The following FLVCR2 variants were observed in gnomAD, a reference collection of about 807,000 sequenced individuals.
The protein encoded by FLVCR2 is choline/ethanolamine transporter FLVCR2.
FLVCR2 carries 38 observed loss-of-function variants against 48.9 expected under a neutral mutation model. The observed-to-expected ratio is 0.78, with a 90% CI of 0.60 to 1.02. FLVCR2 has a LOEUF of 1.02. Among genes scored for constraint, FLVCR2 ranks in the 50% least tolerant of loss-of-function variants. The pLI, the probability that FLVCR2 is intolerant of heterozygous loss-of-function variation, is 0.00. For missense variants in FLVCR2, 664 were observed against 663.3 expected, an observed-to-expected ratio of 1.00 and a Z score of -0.01; for synonymous variants, 255 against 257.0, an observed-to-expected ratio of 0.99 and a Z score of 0.07.
At chr14:75,608,686 G>A (rs1336397375) in intron 1 of FLVCR2, among the ~76,000 whole-genome samples, 1 of 152,220 alleles carries the variant, frequency 6.6e-6, no homozygotes, top group Non-Finnish European at 1.5e-5. Flanking sequence ...CCCTTGTGAA[G>A]ATGTTGGAAC....
intron 3 of FLVCR2, among the ~76,000 whole-genome samples, chr14:75,631,444 G>T (rs538013108): frequency 6.6e-6 from 1 of 152,336 alleles, no homozygotes; most frequent in East Asian, 1.9e-4. Flanking sequence ...AAACCACTCA[G>T]CTTCAGCAGT....
In FLVCR2 at chr14:75,639,471, CA is replaced by C. The variant is rs746704579; in HGVS notation, c.1235+10del. On this transcript the variant is annotated intron_variant, in intron 6 of 9. Coordinates refer to ENST00000238667, the MANE Select transcript of FLVCR2 (RefSeq NM_017791.3). ...ACTGCTGGCACAATGGGGTAAGTTT[CA>C]CCTCTGGCTGATTTATTAGAAAATA... 5.1e-6 allele frequency: 8 copies of C among 1,563,122 alleles called. No individual in the cohort carries two copies. Among genetic ancestry groups the C allele is most frequent in the Non-Finnish European group, 7.1e-6 (8 of 1,133,546 alleles).
Position 75,639,437 on chromosome 14 carries a change from G to A in FLVCR2, c.1210G>A (p.Val404Met). 1.2e-6 allele frequency: 2 copies of A among 1,613,316 alleles called. No homozygotes were observed. The highest frequency in any genetic ancestry group is 1.7e-6 in the Non-Finnish European group (2 of 1,179,228). ...FTLNLGHLWV[V>M]FITAGTMGFF... is the part of the protein sequence containing the mutation. ...CTTGAACCTGGGACACCTGTGGGTA[G>A]TGTTCATCACTGCTGGCACAATGGG... Residue 404 changes from valine (V) to methionine (M), a missense_variant, in exon 6 of 10, where the codon GTG (valine) becomes ATG (methionine). Val to Met is a conservative substitution (Grantham distance 21). Coordinates refer to ENST00000238667, the MANE Select transcript of FLVCR2 (RefSeq NM_017791.3).
intron 5 of FLVCR2, among the ~76,000 whole-genome samples, chr14:75,635,780 G>A (rs551729639): frequency 1.3e-5 from 2 of 152,234 alleles, no homozygotes; most frequent in East Asian, 3.9e-4. Context: ...TAGAAGGATC[G>A]CTTGACCCAG....
rs1381907609 is a variant in FLVCR2 at position 75,620,312 on chromosome 14, G to C, written c.670-1767G>C. Among the ~76,000 whole-genome samples the C allele has an allele frequency of 3.3e-5, 5 of 152,336 alleles. No homozygotes were observed. The East Asian group carries it at 9.7e-4, about 29-fold the overall frequency. On this transcript the variant is annotated intron_variant, in intron 1 of 9. Coordinates refer to ENST00000238667, the MANE Select transcript of FLVCR2 (RefSeq NM_017791.3). Reference sequence around the variant, plus strand: ...GCCTCTGTTCTGCAGAAGCCTGCCTGCCTGGGCCTTTCTCCAGGCTCTTAG... The same window carrying C: ...GCCTCTGTTCTGCAGAAGCCTGCCTCCCTGGGCCTTTCTCCAGGCTCTTAG...
In FLVCR2 at chr14:75,633,708, C is replaced by T. The variant is rs1365612613; in HGVS notation, c.1020+12C>T. On this transcript the variant is annotated intron_variant, in intron 4 of 9. Coordinates refer to ENST00000238667, the MANE Select transcript of FLVCR2 (RefSeq NM_017791.3). Reference sequence around the variant, plus strand: ...TCTGGCACTACCCGGTAAGGGAGTTCCCTAAGCATGTTGGGCCTCAAGATG... The same window carrying T: ...TCTGGCACTACCCGGTAAGGGAGTTTCCTAAGCATGTTGGGCCTCAAGATG... 4.4e-6 allele frequency: 7 copies of T among 1,605,642 alleles called. No homozygotes were observed. In the African/African-American group the frequency reaches 5.4e-5, roughly 12 times the overall value.
chr14:75,584,432 C>A (rs1035359764), intron 1 of FLVCR2, among the ~76,000 whole-genome samples: 12 of 152,152 alleles, frequency 7.9e-5, no homozygotes, highest in African/African-American at 2.9e-4. Flanking sequence ...CGCCTTCCGG[C>A]CCCTCTGGGT....
intron 1 of FLVCR2, among the ~76,000 whole-genome samples, chr14:75,615,467 G>A (rs961163553): frequency 1.3e-5 from 2 of 152,288 alleles, no homozygotes; most frequent in East Asian, 3.9e-4. Flanking sequence ...TGCTGTGTGA[G>A]AGTGTGTGGG....
intron 3 of FLVCR2, among the ~76,000 whole-genome samples, chr14:75,628,967 C>T (rs981889721): frequency 2.6e-5 from 4 of 152,302 alleles, no homozygotes; most frequent in African/African-American, 7.2e-5. Flanking sequence ...TTCTTTGGTC[C>T]AAACCAGATT....
intron 9 of FLVCR2, among the ~76,000 whole-genome samples, chr14:75,645,610 G>T (rs1890403242): frequency 1.3e-5 from 2 of 152,164 alleles, no homozygotes; most frequent in African/African-American, 4.8e-5. Flanking sequence ...GGCATCTACT[G>T]CATGTTCATT....
intron 1 of FLVCR2, among the ~76,000 whole-genome samples, chr14:75,592,979 C>T (rs758078135): frequency 5.3e-5 from 8 of 152,312 alleles, no homozygotes; most frequent in Non-Finnish European, 7.3e-5. Flanking sequence ...TCCAAATAAA[C>T]GCTACTTTCC....
intron 1 of FLVCR2, among the ~76,000 whole-genome samples, chr14:75,598,474 A>G (rs1889079244): frequency 6.6e-6 from 1 of 150,860 alleles, no homozygotes; most frequent in African/African-American, 2.4e-5. Context: ...CTTGGAAGTG[A>G]TTTTTCTTTT....
chr14:75,609,467 T>G (rs1281244215), intron 1 of FLVCR2, among the ~76,000 whole-genome samples: 1 of 152,194 alleles, frequency 6.6e-6, no homozygotes. Context: ...GACTAATAGT[T>G]TTTTTGGTGT....
chr14:75,614,467 G>A (rs879907072), intron 1 of FLVCR2, among the ~76,000 whole-genome samples: 2 of 152,198 alleles, frequency 1.3e-5, no homozygotes, highest in Non-Finnish European at 2.9e-5. Flanking sequence ...AGTGAGGATC[G>A]TCAAGGAAAG....
At chr14:75,607,595 T>C (rs17783150) in intron 1 of FLVCR2, among the ~76,000 whole-genome samples, 2,822 of 152,262 alleles carry the variant, frequency 0.019, 40 homozygotes, top group Middle Eastern at 0.048. Flanking sequence ...TTCAACTCAG[T>C]TATGAAGTAG....
At chr14:75,596,056 T>A in intron 1 of FLVCR2, 1 of 1,268,518 alleles carries the variant, frequency 7.9e-7, no homozygotes, top group Non-Finnish European at 1.1e-6. Context: ...ACATCCAGTG[T>A]GGTCTTGTAC....
intron 3 of FLVCR2, among the ~76,000 whole-genome samples, chr14:75,628,859 G>C (rs1889969932): frequency 6.6e-6 from 1 of 152,220 alleles, no homozygotes; most frequent in Admixed American, 6.5e-5. Context: ...TTTTAATGCA[G>C]TTGAGAATAA....
intron 1 of FLVCR2, chr14:75,596,130 T>C: frequency 8.2e-6 from 7 of 858,264 alleles, no homozygotes; most frequent in Non-Finnish European, 1.4e-5. Flanking sequence ...GTGAAGGATA[T>C]CAATGACTGT....
intron 1 of FLVCR2, among the ~76,000 whole-genome samples, chr14:75,587,632 G>T (rs1888783363): frequency 6.6e-6 from 1 of 152,162 alleles, no homozygotes; most frequent in Admixed American, 6.5e-5. Flanking sequence ...CTGACCAGTT[G>T]CCCCCAGGTA....
Sources: gnomAD v4.1 joint callset for allele counts (sites outside exome capture counted in the v4.1 genomes callset) on GRCh38, gnomAD v4.1.1 for gene constraint, MANE v1.5 for transcripts, NCBI Gene and HGNC (gene_info 2026-07-23, HGNC 2026-07-21) for gene names.